The following GGTA1 variants were observed in gnomAD, a reference collection of about 807,000 sequenced individuals.
GGTA1 encodes inactive N-acetyllactosaminide alpha-1,3-galactosyltransferase.
A neutral mutation model predicts 2.6 loss-of-function variants in GGTA1; 5 were observed. The ratio of observed to expected loss-of-function variants is 1.92; its 90% CI spans 1.00 to 4.04. The LOEUF (loss-of-function observed/expected upper bound fraction) is 4.04, where lower values mean the gene tolerates loss of function less well. Ranked by LOEUF, GGTA1 falls within the 30% of genes most tolerant of loss-of-function variation. The probability of loss-of-function intolerance (pLI) is 0.00; values close to 1 mark genes in which losing one functional copy is unlikely to be tolerated. For synonymous variants in GGTA1, 17 were observed against 5.0 expected, an observed-to-expected ratio of 3.38 and a Z score of -3.19; for missense variants, 50 against 16.7, an observed-to-expected ratio of 2.99 and a Z score of -3.47.
intron 1 of GGTA1, among the ~76,000 whole-genome samples, chr9:121,479,555 G>C (rs1828589900): frequency 6.6e-6 from 1 of 152,158 alleles, no homozygotes; most frequent in South Asian, 2.1e-4. Context: ...AGTATGGGAG[G>C]AGGAAAGGCC....
At chr9:121,458,703 C>T (rs2064934892) in intron 5 of GGTA1, among the ~76,000 whole-genome samples, 2 of 151,968 alleles carry the variant, frequency 1.3e-5, no homozygotes, top group South Asian at 4.2e-4. Flanking sequence ...TATCTGCTCC[C>T]TACTCATTTG....
intron 1 of GGTA1, among the ~76,000 whole-genome samples, chr9:121,478,492 G>A (rs1354117326): frequency 6.6e-6 from 1 of 152,190 alleles, no homozygotes; most frequent in African/African-American, 2.4e-5. Context: ...CCCAGCCCTT[G>A]GCATAGGGAT....
At chr9:121,460,485 G>A (rs1278683525) in intron 4 of GGTA1, among the ~76,000 whole-genome samples, 1 of 152,154 alleles carries the variant, frequency 6.6e-6, no homozygotes, top group East Asian at 1.9e-4. Context: ...TTCAGGGGGG[G>A]TGAGGGAAAC....
chr9:121,449,101 A>G (rs2064865924), intron 7 of GGTA1, among the ~76,000 whole-genome samples: 1 of 152,242 alleles, frequency 6.6e-6, no homozygotes, highest in South Asian at 2.1e-4. Flanking sequence ...TTACTTAGTA[A>G]CATATCTTTT....
intron 1 of GGTA1, among the ~76,000 whole-genome samples, chr9:121,471,368 G>C (rs1828385340): frequency 6.6e-6 from 1 of 152,134 alleles, no homozygotes; most frequent in Non-Finnish European, 1.5e-5. Flanking sequence ...ATTCAACCCT[G>C]AATCCCCAGT....
chr9:121,455,761 G>A lies in GGTA1; in HGVS notation c.*76C>T, dbSNP rs1054573080. The A allele has an allele frequency of 5.6e-5, 25 of 444,778 alleles. No homozygotes were observed. The highest frequency in any genetic ancestry group is 4.4e-4 in the Admixed American group (18 of 40,860). 27.6% of individuals were successfully genotyped at this position (444,778 alleles called of 1,614,324 possible). A position where few individuals can be genotyped will look rare whatever the true frequency, so the allele number is the denominator to read the frequency against. ...TCCGCCTGTTACACACTCCTTAACC[G>A]CATGATCTCTCAGTCCAGGTCTTCT... On this transcript the variant is annotated 3_prime_UTR_variant, in exon 6 of 6. Transcript: ENST00000481799.
At chr9:121,489,312 C>T (rs898756858) in intron 1 of GGTA1, among the ~76,000 whole-genome samples, 2 of 152,188 alleles carry the variant, frequency 1.3e-5, no homozygotes, top group Non-Finnish European at 2.9e-5. Flanking sequence ...GATCCTCCCA[C>T]CTTAGCCTCC....
chr9:121,482,981 G>A (rs545734180), intron 1 of GGTA1, among the ~76,000 whole-genome samples: 1 of 152,148 alleles, frequency 6.6e-6, no homozygotes, highest in Non-Finnish European at 1.5e-5. Context: ...AATTTTAAAA[G>A]CCATTCATGG....
At chr9:121,461,399 G>A (rs1589328807) in intron 3 of GGTA1, 82 bp from the exon 4 acceptor site, 5 of 406,370 alleles carry the variant, frequency 1.2e-5, no homozygotes, top group South Asian at 5.3e-5. Context: ...TTCTATAGCC[G>A]AGATTACTTT....
chr9:121,457,616 G>A (rs963702135), intron 5 of GGTA1, among the ~76,000 whole-genome samples: 1 of 150,842 alleles, frequency 6.6e-6, no homozygotes, highest in African/African-American at 2.4e-5. Context: ...CAGGAGAATG[G>A]CATGAACCCG....
Position 121,455,716 on chromosome 9 carries a change from C to A in GGTA1, c.*121G>T. The A allele has an allele frequency of 2.7e-6, 1 of 366,764 alleles. No individual in the cohort carries two copies. Among genetic ancestry groups the A allele is most frequent in the South Asian group, 2.1e-5 (1 of 48,106 alleles). 22.7% of individuals were successfully genotyped at this position (366,764 alleles called of 1,614,324 possible). A position where few individuals can be genotyped will look rare whatever the true frequency, so the allele number is the denominator to read the frequency against. On this transcript the variant is annotated 3_prime_UTR_variant, in exon 6 of 6. Coordinates refer to ENST00000481799, the MANE Select transcript of GGTA1 (RefSeq NM_001382585.1). ...AGACCCAGTCCTTCCCCTTGAGAATCTCGCAGTCCCAACAGGTGGTCCGCC... is the reference window on the plus strand; with the variant it reads ...AGACCCAGTCCTTCCCCTTGAGAATATCGCAGTCCCAACAGGTGGTCCGCC...
At chr9:121,474,116 C>T (rs1015271121) in intron 1 of GGTA1, among the ~76,000 whole-genome samples, 11 of 152,188 alleles carry the variant, frequency 7.2e-5, no homozygotes, top group African/African-American at 2.7e-4. Context: ...CAAGTATTAA[C>T]ACCCTGTCTT....
chr9:121,467,701 G>C (rs2065014648), intron 2 of GGTA1, 142 bp downstream of exon 2: 3 of 346,864 alleles, frequency 8.6e-6, no homozygotes, highest in Non-Finnish European at 1.7e-5. Context: ...CCAGGGCTTA[G>C]GAATTCAGGA....
chr9:121,477,753 A>T (rs10818552), intron 1 of GGTA1, among the ~76,000 whole-genome samples: 44,241 of 149,962 alleles, frequency 0.3, 6,716 homozygotes, highest in Middle Eastern at 0.39. Flanking sequence ...TTTTTTTTTT[A>T]ATTTTTAGTA....
chr9:121,474,118 C>A, intron 1 of GGTA1, among the ~76,000 whole-genome samples: 1 of 152,198 alleles, frequency 6.6e-6, no homozygotes. Flanking sequence ...AGTATTAACA[C>A]CCTGTCTTAA....
At position 121,461,279 on chromosome 9, in the gene GGTA1, C is replaced by T; in HGVS notation, c.155G>A (p.Trp52Ter). The T allele has an allele frequency of 4.4e-6, 2 of 456,606 alleles. No individual in the cohort carries two copies. Among genetic ancestry groups the T allele is most frequent in the Non-Finnish European group, 8.8e-6 (2 of 226,940 alleles). 28.3% of individuals were successfully genotyped at this position (456,606 alleles called of 1,614,324 possible). Residue 52 changes from tryptophan to a stop codon, truncating the protein, a stop_gained, in exon 4 of 6, where the codon TGG becomes TAG. Coordinates refer to ENST00000481799, the MANE Select transcript of GGTA1 (RefSeq NM_001382585.1). LOFTEE classifies it high-confidence loss of function. The stretch of plus-strand genomic sequence containing the variant: ...ATTGTTAAACCAGCTCAGAAACCAC[C>T]AGCCCTTCTGAGCACTGCTGTCATC... ...EVDDSSAQKGWWFLSWFNNGI... is the reference protein window; with the variant it reads ...EVDDSSAQKG
chr9:121,462,352 A>G (rs2064967191), intron 3 of GGTA1, among the ~76,000 whole-genome samples: 1 of 152,140 alleles, frequency 6.6e-6, no homozygotes, highest in Admixed American at 6.5e-5. Context: ...TAAAAAGAAA[A>G]GAAAGAAAAG....
downstream of GGTA1, among the ~76,000 whole-genome samples, chr9:121,450,520 A>T (rs2064873491): frequency 6.6e-6 from 1 of 152,206 alleles, no homozygotes; most frequent in Admixed American, 6.5e-5. Flanking sequence ...CTTGTCTCAG[A>T]GCTGAGGGCA....
At position 121,445,267 on chromosome 9, in the gene GGTA1, C is replaced by G. The variant is rs531131662; in HGVS notation, c.*2449G>C. 8 of 152,322 alleles carry G rather than the reference C, an allele frequency of 5.3e-5. No individual in the cohort carries two copies. In the South Asian group the frequency reaches 1.7e-3, roughly 32 times the overall value. 9.4% of individuals were successfully genotyped at this position (152,322 alleles called of 1,614,324 possible). On this transcript the variant is annotated 3_prime_UTR_variant and NMD_transcript_variant, in exon 8 of 8. Transcript: ENST00000481534. ...ACTAATAGAGAAGCAGGAGTCTTAA[C>G]TGATGTGTGATCTACTTTTTCAAAG... is the stretch of plus-strand genomic sequence containing the variant.
Sources: allele counts gnomAD v4.1 joint callset (sites outside exome capture counted in the v4.1 genomes callset), GRCh38; gene constraint gnomAD v4.1.1; transcripts MANE v1.5; gene names NCBI Gene and HGNC (gene_info 2026-07-23, HGNC 2026-07-21).